Variants in DACH1 observed in about 807,000 individuals in gnomAD.
DACH1 encodes dachshund family transcription factor 1.
A neutral mutation model predicts 54.2 loss-of-function variants in DACH1; 12 were observed. The ratio of observed to expected loss-of-function variants is 0.22; its 90% CI spans 0.14 to 0.36. The LOEUF (loss-of-function observed/expected upper bound fraction) is 0.36. Ranked by LOEUF, DACH1 falls within the 10% of genes least tolerant of loss-of-function variation. DACH1 has a pLI of 1.00. For synonymous variants in DACH1, 386 were observed against 366.2 expected, an observed-to-expected ratio of 1.05 and a Z score of -0.62; for missense variants, 805 against 929.8, an observed-to-expected ratio of 0.87 and a Z score of 1.75.
intron 6 of DACH1, among the ~76,000 whole-genome samples, chr13:71,537,474 G>A (rs1593854512): frequency 6.6e-6 from 1 of 152,234 alleles, no homozygotes; most frequent in East Asian, 1.9e-4. Context: ...GAGAGCAGGG[G>A]ATTTGTTGAT....
intron 10 of DACH1, among the ~76,000 whole-genome samples, chr13:71,472,189 A>G (rs1297472659): frequency 6.6e-6 from 1 of 152,166 alleles, no homozygotes; most frequent in Non-Finnish European, 1.5e-5. Context: ...CAATTCATGA[A>G]TTCCTAGTTA....
intron 3 of DACH1, among the ~76,000 whole-genome samples, chr13:71,584,099 T>C (rs1873058522): frequency 6.6e-6 from 1 of 152,152 alleles, no homozygotes; most frequent in Non-Finnish European, 1.5e-5. Flanking sequence ...ATGCTCTCAT[T>C]TAGATAAGCC....
rs776572926 is a variant in DACH1, at chr13:71,866,293, A to G, written c.477T>C (p.Ser159=). ...GGAGGGGGCCGCAGCTGCTGCTGCTACTGCTGCTGCTGCTACTACTGCTGC... is the reference window on the plus strand; with the variant it reads ...GGAGGGGGCCGCAGCTGCTGCTGCTGCTGCTGCTGCTGCTACTACTGCTGC... ...SSSSSSSSSS[S]SSSSCGPLPG... The change falls in exon 1 of 11, where the codon AGT becomes AGC. Residue 159 remains serine (S), a synonymous_variant. Transcript: ENST00000613252. 1.3e-5 allele frequency: 21 copies of G among 1,566,664 alleles called. No individual in the cohort carries two copies. The highest frequency in any genetic ancestry group is 2.4e-5 in the East Asian group (1 of 42,206).
In DACH1 at chr13:71,610,112, T is replaced by C. The variant is rs118087091; in HGVS notation, c.1126+20444A>G. ...ACACTGATAGAAAAAAAAAATGTTC[T>C]TGTTTGCAGTGGATGTGGTCATCTT... On this transcript the variant is annotated intron_variant, in intron 3 of 10. Coordinates refer to ENST00000613252, the MANE Select transcript of DACH1 (RefSeq NM_080759.6). Among the ~76,000 whole-genome samples, 1,394 of 152,238 alleles carry C rather than the reference T, an allele frequency of 9.2e-3. 9 individuals carry two copies. The highest frequency in any genetic ancestry group is 0.013 in the Non-Finnish European group (859 of 68,010).
chr13:71,620,807 T>C (rs1239333597), intron 3 of DACH1, among the ~76,000 whole-genome samples: 1 of 151,990 alleles, frequency 6.6e-6, no homozygotes, highest in Non-Finnish European at 1.5e-5. Context: ...TCTTCCAGTA[T>C]GAAACATATA....
At chr13:71,603,176 A>AT in intron 3 of DACH1, among the ~76,000 whole-genome samples, 1 of 152,048 alleles carries the variant, frequency 6.6e-6, no homozygotes, top group East Asian at 1.9e-4. Context: ...GAAAAATTGA[A>AT]TTTTTTTGAC....
At chr13:71,782,648 G>A (rs1401234424) in intron 1 of DACH1, among the ~76,000 whole-genome samples, 1 of 151,990 alleles carries the variant, frequency 6.6e-6, no homozygotes, top group Non-Finnish European at 1.5e-5. Flanking sequence ...AACTATCTTA[G>A]TCATCAGCAT....
At chr13:71,667,754 T>C (rs1879935409) in intron 2 of DACH1, among the ~76,000 whole-genome samples, 1 of 152,140 alleles carries the variant, frequency 6.6e-6, no homozygotes, top group Admixed American at 6.5e-5. Flanking sequence ...ACTTAATTTA[T>C]TCAATAAGTT....
At chr13:71,744,059 G>A (rs1884509849) in intron 1 of DACH1, among the ~76,000 whole-genome samples, 1 of 152,108 alleles carries the variant, frequency 6.6e-6, no homozygotes, top group Non-Finnish European at 1.5e-5. Context: ...TTACTGTCCT[G>A]ACCTCTGTTG....
chr13:71,527,637 G>C (rs1045939363), intron 6 of DACH1, among the ~76,000 whole-genome samples: 1 of 152,198 alleles, frequency 6.6e-6, no homozygotes, highest in Non-Finnish European at 1.5e-5. Context: ...CAGAGTCTTT[G>C]CCACTGGGCC....
chr13:71,763,960 A>G (rs1228266945), intron 1 of DACH1, among the ~76,000 whole-genome samples: 5 of 152,186 alleles, frequency 3.3e-5, no homozygotes, highest in Non-Finnish European at 5.9e-5. Context: ...ATTTTTAACG[A>G]ACATTTGTTG....
intron 1 of DACH1, among the ~76,000 whole-genome samples, chr13:71,756,033 AT>A (rs112143535): frequency 3.1e-4 from 47 of 149,534 alleles, no homozygotes; most frequent in Admixed American, 6.0e-4. Context: ...AGACTTTTTT[AT>A]TTTTTTTTTC....
At chr13:71,648,862 G>C (rs892211933) in intron 2 of DACH1, among the ~76,000 whole-genome samples, 3 of 152,084 alleles carry the variant, frequency 2.0e-5, no homozygotes, top group Non-Finnish European at 4.4e-5. Context: ...CCATTTATGC[G>C]TTAGAAGCCT....
chr13:71,838,602 G>C (rs1018341803), intron 1 of DACH1, among the ~76,000 whole-genome samples: 8 of 152,156 alleles, frequency 5.3e-5, no homozygotes, highest in African/African-American at 1.9e-4. Flanking sequence ...TTGTTTATAA[G>C]CCATCTGGTG....
intron 1 of DACH1, among the ~76,000 whole-genome samples, chr13:71,769,832 C>T (rs935391052): frequency 1.3e-5 from 2 of 151,526 alleles, no homozygotes; most frequent in African/African-American, 4.8e-5. Context: ...GTGACATGAT[C>T]TTATGCATAA....
chr13:71,735,607 A>ATATACGTATATGGGC (rs1566468496), intron 1 of DACH1, among the ~76,000 whole-genome samples: 14 of 151,414 alleles, frequency 9.2e-5, no homozygotes, highest in African/African-American at 3.2e-4. Flanking sequence ...CGTATATGGG[A>ATATACGTATATGGGC]TATACGTGTA....
intron 6 of DACH1, among the ~76,000 whole-genome samples, chr13:71,552,609 A>G (rs992114411): frequency 3.3e-5 from 5 of 151,294 alleles, no homozygotes; most frequent in Admixed American, 1.3e-4. Context: ...GAGCTCTAGC[A>G]TCAAGAAACA....
intron 6 of DACH1, among the ~76,000 whole-genome samples, chr13:71,529,349 G>C (rs1004457018): frequency 6.6e-6 from 1 of 151,892 alleles, no homozygotes; most frequent in African/African-American, 2.4e-5. Context: ...ACCACGCCCA[G>C]CTATTTTTTG....
At chr13:71,720,708 A>G (rs1039489925) in intron 1 of DACH1, among the ~76,000 whole-genome samples, 7 of 152,262 alleles carry the variant, frequency 4.6e-5, no homozygotes, top group East Asian at 1.9e-4. Context: ...TTCTTTGTCA[A>G]TGCTTTGCTA....
Sources: allele counts gnomAD v4.1 joint callset (sites outside exome capture counted in the v4.1 genomes callset), GRCh38; gene constraint gnomAD v4.1.1; transcripts MANE v1.5; gene names NCBI Gene and HGNC (gene_info 2026-07-23, HGNC 2026-07-21).